The following MEIS1 variants were observed in gnomAD, a reference collection of about 807,000 sequenced individuals.
The protein encoded by MEIS1 is Meis homeobox 1.
A neutral mutation model predicts 50.8 loss-of-function variants in MEIS1; 5 were observed. The ratio of observed to expected loss-of-function variants is 0.10; its 90% CI spans 0.05 to 0.21. MEIS1 has a LOEUF of 0.21. Among genes scored for constraint, MEIS1 ranks in the 10% least tolerant of loss-of-function variants. MEIS1 has a pLI of 1.00. For missense variants in MEIS1, 318 were observed against 517.3 expected (o/e 0.61, Z 3.74); for synonymous variants, 176 against 179.3 (o/e 0.98, Z 0.15).
Position 66,571,853 on chromosome 2 carries a change from C to G in MEIS1, c.*645C>G. On this transcript the variant is annotated 3_prime_UTR_variant, in exon 13 of 13. Coordinates refer to ENST00000272369, the MANE Select transcript of MEIS1 (RefSeq NM_002398.3). ...TGTGTGTTGTTTCCATAGCTCTTCA[C>G]TTCCTCCAGAAGCCTCCTTACATTA... 1.1e-5 allele frequency: 3 copies of G among 277,146 alleles called. No individual in the cohort carries two copies. In the South Asian group the frequency reaches 1.3e-4, roughly 12 times the overall value. 17.2% of individuals were successfully genotyped at this position (277,146 alleles called of 1,614,324 possible).
chr2:66,532,074 C>A (rs943851859), intron 8 of MEIS1, among the ~76,000 whole-genome samples: 1 of 151,922 alleles, frequency 6.6e-6, no homozygotes, highest in African/African-American at 2.4e-5. Context: ...AAGGGAGGTT[C>A]TGAGGTGGAG....
chr2:66,540,271 G>T (rs1044905011), intron 8 of MEIS1, among the ~76,000 whole-genome samples: 2 of 152,138 alleles, frequency 1.3e-5, no homozygotes, highest in African/African-American at 4.8e-5. Context: ...AGTAAAGCAT[G>T]AGTTTTCTCC....
chr2:66,548,415 T>C (rs533814072), intron 9 of MEIS1, among the ~76,000 whole-genome samples: 39 of 152,322 alleles, frequency 2.6e-4, no homozygotes, highest in South Asian at 2.3e-3. Context: ...ATTCATTGAA[T>C]AACTAAATTC....
intron 7 of MEIS1, among the ~76,000 whole-genome samples, chr2:66,490,598 TTTTC>T (rs1431624461): frequency 6.6e-6 from 1 of 152,166 alleles, no homozygotes. Context: ...ACCTTTCTTT[TTTTC>T]TTTCTTTCAA....
chr2:66,436,313 G>C (rs1671795464), intron 1 of MEIS1, among the ~76,000 whole-genome samples: 1 of 152,132 alleles, frequency 6.6e-6, no homozygotes, highest in Non-Finnish European at 1.5e-5. Flanking sequence ...CTTTGTCATA[G>C]TATAGCCAAT....
At chr2:66,458,562 C>T (rs986979477) in intron 6 of MEIS1, among the ~76,000 whole-genome samples, 5 of 152,188 alleles carry the variant, frequency 3.3e-5, no homozygotes, top group Non-Finnish European at 7.3e-5. Flanking sequence ...TTGCTGCATG[C>T]TTGACAATTT....
At chr2:66,546,861 C>G (rs1478807558) in intron 8 of MEIS1, among the ~76,000 whole-genome samples, 3 of 152,088 alleles carry the variant, frequency 2.0e-5, no homozygotes, top group Non-Finnish European at 4.4e-5. Context: ...CATTAACAAG[C>G]CTTTTTAGCA....
In MEIS1 at chr2:66,442,281, A is replaced by C. The variant is rs1373470057; in HGVS notation, c.484-621A>C. Among the ~76,000 whole-genome samples, 14 of 150,848 alleles carry C rather than the reference A, an allele frequency of 9.3e-5. No individual in the cohort carries two copies. In the East Asian group the frequency reaches 1.9e-3, roughly 21 times the overall value. On this transcript the variant is annotated intron_variant, in intron 5 of 12. Coordinates refer to ENST00000272369, the MANE Select transcript of MEIS1 (RefSeq NM_002398.3). The stretch of plus-strand genomic sequence containing the variant: ...CCTTCTCCTTTTTGTAAAAAAAAAA[A>C]AAAAAAAAAAAAATCAATTTGATAT...
At position 66,572,933 on chromosome 2, in the gene MEIS1, A is replaced by C. The variant is rs571683866; in HGVS notation, c.*1725A>C. 6.6e-6 allele frequency: 1 copy of C among 152,242 alleles called. No individual in the cohort carries two copies. The highest frequency in any genetic ancestry group is 2.4e-5 in the African/African-American group (1 of 41,544). The allele number at this position is 152,242 out of a possible 1,614,324, so 9.4% of individuals were successfully genotyped here. ...TGATTTCTTTAAGCTGACTTAATGA[A>C]CTCCTAATATCAGCAAATTTGAGGC... On this transcript the variant is annotated 3_prime_UTR_variant, in exon 13 of 13. Coordinates refer to ENST00000272369, the MANE Select transcript of MEIS1 (RefSeq NM_002398.3).
intron 7 of MEIS1, among the ~76,000 whole-genome samples, chr2:66,500,084 C>G (rs1673512720): frequency 6.6e-6 from 1 of 152,316 alleles, no homozygotes; most frequent in South Asian, 2.1e-4. Context: ...AGGCCAGAAG[C>G]TAGATGAGCA....
At chr2:66,482,109 G>A (rs186495173) in intron 7 of MEIS1, among the ~76,000 whole-genome samples, 6 of 152,110 alleles carry the variant, frequency 3.9e-5, no homozygotes, top group East Asian at 1.9e-4. Flanking sequence ...ATCTGCCTAC[G>A]TCGGCCTCCC....
intron 8 of MEIS1, among the ~76,000 whole-genome samples, chr2:66,542,490 A>C (rs1390041701): frequency 6.6e-6 from 1 of 152,214 alleles, no homozygotes; most frequent in East Asian, 1.9e-4. Flanking sequence ...GACAGTTGCC[A>C]TAATTCCTCC....
intron 8 of MEIS1, among the ~76,000 whole-genome samples, chr2:66,547,142 T>C (rs1000359731): frequency 1.3e-5 from 2 of 152,212 alleles, no homozygotes; most frequent in Admixed American, 6.5e-5. Flanking sequence ...AAATTAGATA[T>C]ATTTGATCAG....
At chr2:66,545,902 G>T (rs1489500752) in intron 8 of MEIS1, among the ~76,000 whole-genome samples, 1 of 152,182 alleles carries the variant, frequency 6.6e-6, no homozygotes, top group Non-Finnish European at 1.5e-5. Flanking sequence ...TCTTAAATTG[G>T]ATTGTTTCTG....
chr2:66,538,912 G>A (rs1283594832), intron 8 of MEIS1, among the ~76,000 whole-genome samples: 2 of 152,000 alleles, frequency 1.3e-5, no homozygotes, highest in African/African-American at 4.8e-5. Context: ...GTTTTTTAAG[G>A]AGTCTCACTC....
intron 9 of MEIS1, among the ~76,000 whole-genome samples, chr2:66,556,802 T>C (rs564643806): frequency 3.8e-4 from 58 of 151,778 alleles, no homozygotes; most frequent in African/African-American, 1.4e-3. Flanking sequence ...GAATTGAACA[T>C]GTACAAAAAG....
chr2:66,480,664 A>C (rs1672995143), intron 7 of MEIS1, among the ~76,000 whole-genome samples: 1 of 152,220 alleles, frequency 6.6e-6, no homozygotes, highest in Admixed American at 6.5e-5. Flanking sequence ...CCTTTGAATG[A>C]AATTTTAAAA....
intron 9 of MEIS1, among the ~76,000 whole-genome samples, chr2:66,564,560 A>G (rs897591941): frequency 2.0e-5 from 3 of 152,124 alleles, no homozygotes; most frequent in Non-Finnish European, 4.4e-5. Context: ...TTTAAGAATC[A>G]CTAATGTTTA....
At chr2:66,541,731 A>G (rs983240378) in intron 8 of MEIS1, among the ~76,000 whole-genome samples, 1 of 152,192 alleles carries the variant, frequency 6.6e-6, no homozygotes, top group Non-Finnish European at 1.5e-5. Context: ...TGCTCCAAAC[A>G]TTTCTGGCTT....
Sources: allele counts gnomAD v4.1 joint callset (sites outside exome capture counted in the v4.1 genomes callset), GRCh38; gene constraint gnomAD v4.1.1; transcripts MANE v1.5; gene names NCBI Gene and HGNC (gene_info 2026-07-23, HGNC 2026-07-21).